FBXL17: variants seen among roughly 807,000 people sequenced by gnomAD.
The protein encoded by FBXL17 is F-box and leucine rich repeat protein 17.
In FBXL17, 22 loss-of-function variants were observed where a neutral mutation model predicts 66.2. That is an observed-to-expected ratio of 0.33 (90% CI 0.24 to 0.47). FBXL17 has a LOEUF of 0.47. Ranked by LOEUF, FBXL17 falls within the 20% of genes least tolerant of loss-of-function variation. The probability of loss-of-function intolerance (pLI) is 1.00; values close to 1 mark genes in which losing one functional copy is unlikely to be tolerated. For missense variants in FBXL17, 878 were observed against 948.2 expected (o/e 0.93, Z 0.97); for synonymous variants, 474 against 400.5 (o/e 1.18, Z -2.19).
In FBXL17 at chr5:107,864,189, C is replaced by A. The variant is rs142471939; in HGVS notation, c.1966-2329G>T. Among the ~76,000 whole-genome samples, 160 of 152,296 alleles carry A rather than the reference C, an allele frequency of 1.1e-3. 3 individuals carry two copies. In the East Asian group the frequency reaches 0.025, roughly 24 times the overall value. ...AAAGCCCACCATACAGTAGCTCTCA[C>A]TATTGAAGGAGACACTCAGTAAATG... On this transcript the variant is annotated intron_variant, in intron 8 of 8. Coordinates refer to ENST00000542267, the MANE Select transcript of FBXL17 (RefSeq NM_001163315.3).
intron 6 of FBXL17, among the ~76,000 whole-genome samples, chr5:108,132,973 T>C (rs1234312984): frequency 6.6e-6 from 1 of 152,084 alleles, no homozygotes; most frequent in Non-Finnish European, 1.5e-5. Context: ...AAATAAGAAT[T>C]TTAAGGGCCT....
chr5:108,353,484 A>C (rs905537524), intron 3 of FBXL17, among the ~76,000 whole-genome samples: 1 of 152,236 alleles, frequency 6.6e-6, no homozygotes, highest in African/African-American at 2.4e-5. Context: ...CCAGGTCTTC[A>C]CGGAGAATAC....
chr5:108,118,158 C>T (rs1027810461), intron 6 of FBXL17, among the ~76,000 whole-genome samples: 2 of 152,160 alleles, frequency 1.3e-5, no homozygotes, highest in Non-Finnish European at 2.9e-5. Flanking sequence ...CTGTTCTCTT[C>T]TTAAAACTCC....
At chr5:108,316,764 C>A (rs922055812) in intron 4 of FBXL17, among the ~76,000 whole-genome samples, 2 of 150,650 alleles carry the variant, frequency 1.3e-5, no homozygotes, top group African/African-American at 2.4e-5. Context: ...CTAAAATAAA[C>A]CTTAAAATAA....
At chr5:108,340,019 C>T (rs999801697) in intron 4 of FBXL17, among the ~76,000 whole-genome samples, 3 of 151,776 alleles carry the variant, frequency 2.0e-5, no homozygotes, top group African/African-American at 7.3e-5. Context: ...GTCTTCCATA[C>T]GACACTGGCA....
At chr5:108,268,483 T>C (rs1013757421) in intron 4 of FBXL17, among the ~76,000 whole-genome samples, 1 of 152,044 alleles carries the variant, frequency 6.6e-6, no homozygotes, top group South Asian at 2.1e-4. Context: ...CTCATGTTTT[T>C]CTTCTGAGAT....
chr5:108,337,004 T>A (rs1760415050), intron 4 of FBXL17, among the ~76,000 whole-genome samples: 1 of 151,980 alleles, frequency 6.6e-6, no homozygotes, highest in African/African-American at 2.4e-5. Flanking sequence ...GGCTCACGCC[T>A]CCCAGAACTC....
At chr5:107,958,306 C>T (rs1226818080) in intron 7 of FBXL17, among the ~76,000 whole-genome samples, 3 of 151,958 alleles carry the variant, frequency 2.0e-5, no homozygotes, top group Non-Finnish European at 4.4e-5. Context: ...TTATGGCCAT[C>T]AATGTTCCCC....
In FBXL17 at chr5:108,122,854, A is replaced by T. The variant is rs1750556714; in HGVS notation, c.1745+63263T>A. ...AGAGCATTTTGGAAAAGCATGTGCA[A>T]GAAAACAACATGTTCCTCGCAGTCA... On this transcript the variant is annotated intron_variant, in intron 6 of 8. Transcript: ENST00000542267. Among the ~76,000 whole-genome samples, 3 of 152,100 alleles carry T rather than the reference A, an allele frequency of 2.0e-5. No homozygotes were observed. The South Asian group carries it at 6.2e-4, about 32-fold the overall frequency.
At chr5:108,353,405 AAAAT>A (rs1747769418) in intron 3 of FBXL17, among the ~76,000 whole-genome samples, 1 of 152,192 alleles carries the variant, frequency 6.6e-6, no homozygotes, top group Non-Finnish European at 1.5e-5. Flanking sequence ...CTGATAATTA[AAAAT>A]TCCAGGGGGA....
chr5:108,380,689 C>CCAGA lies in FBXL17; in HGVS notation c.993+6_993+9dup. ...AAGCGAGCATCCCTGCGCCTCTCGC[C>CCAGA]CAGACCCACCTTGAGCAGGATGGAC... On this transcript the variant is annotated intron_variant, in intron 1 of 8. Transcript: ENST00000542267. 1 of 1,248,522 alleles carries CCAGA rather than the reference C, an allele frequency of 8.0e-7. No homozygotes were observed. 77.3% of individuals were successfully genotyped at this position (1,248,522 alleles called of 1,614,324 possible). A position where few individuals can be genotyped will look rare whatever the true frequency, so the allele number is the denominator to read the frequency against.
At chr5:108,170,806 T>C (rs757673722) in intron 6 of FBXL17, among the ~76,000 whole-genome samples, 11 of 152,148 alleles carry the variant, frequency 7.2e-5, no homozygotes, top group Non-Finnish European at 1.3e-4. Flanking sequence ...AGTGTTGGGA[T>C]TACAGGTATG....
At chr5:108,379,296 TTTG>T (rs764622683) in intron 1 of FBXL17, among the ~76,000 whole-genome samples, 4 of 152,216 alleles carry the variant, frequency 2.6e-5, no homozygotes, top group Non-Finnish European at 4.4e-5. Context: ...ATACCAAATA[TTTG>T]TTGATATTTT....
chr5:107,949,043 CT>C (rs1321785517), intron 7 of FBXL17, among the ~76,000 whole-genome samples: 1 of 151,994 alleles, frequency 6.6e-6, no homozygotes, highest in African/African-American at 2.4e-5. Flanking sequence ...AAGTCTTGCA[CT>C]TGGGGTCAAA....
At chr5:108,214,307 A>G (rs181366883) in intron 5 of FBXL17, among the ~76,000 whole-genome samples, 2 of 152,210 alleles carry the variant, frequency 1.3e-5, no homozygotes, top group East Asian at 3.9e-4. Context: ...TATATGTCAA[A>G]GAGTAGAATA....
At chr5:107,940,446 G>A (rs1004195835) in intron 7 of FBXL17, among the ~76,000 whole-genome samples, 4 of 152,112 alleles carry the variant, frequency 2.6e-5, no homozygotes, top group African/African-American at 9.7e-5. Flanking sequence ...AGAGAGGAGT[G>A]AATGTTGCCT....
At chr5:108,324,740 A>ATG (rs10540114) in intron 4 of FBXL17, among the ~76,000 whole-genome samples, 68 of 151,080 alleles carry the variant, frequency 4.5e-4, no homozygotes, top group East Asian at 1.6e-3. Context: ...ATGTATATAT[A>ATG]TGTGTGTGTG....
intron 4 of FBXL17, among the ~76,000 whole-genome samples, chr5:108,326,673 A>G (rs1441094514): frequency 6.6e-6 from 1 of 152,094 alleles, no homozygotes. Flanking sequence ...AGCCTAATAC[A>G]TATGTTAAAA....
At chr5:108,326,863 T>C (rs1013691772) in intron 4 of FBXL17, among the ~76,000 whole-genome samples, 1 of 152,082 alleles carries the variant, frequency 6.6e-6, no homozygotes. Context: ...TTCTCAAACA[T>C]TGCTAGCAGG....
Sources: gnomAD v4.1 joint callset for allele counts (sites outside exome capture counted in the v4.1 genomes callset) on GRCh38, gnomAD v4.1.1 for gene constraint, MANE v1.5 for transcripts, NCBI Gene and HGNC (gene_info 2026-07-23, HGNC 2026-07-21) for gene names.